Variants in RSPH3 observed in about 807,000 individuals in gnomAD.
RSPH3 encodes the protein radial spoke head protein 3 homolog.
Under a neutral mutation model 43.8 loss-of-function variants are expected in RSPH3, and 21 were observed. That is an observed-to-expected ratio of 0.48 (90% CI 0.34 to 0.69). The LOEUF (loss-of-function observed/expected upper bound fraction) is 0.69, where lower values mean the gene tolerates loss of function less well. Among genes scored for constraint, RSPH3 ranks in the 30% least tolerant of loss-of-function variants. The pLI is 0.01. For synonymous variants in RSPH3, 173 were observed against 179.8 expected (o/e 0.96, Z 0.30); for missense variants, 487 against 516.0 (o/e 0.94, Z 0.54).
At chr6:158,978,631 C>T (rs960227728) in intron 6 of RSPH3, among the ~76,000 whole-genome samples, 15 of 152,140 alleles carry the variant, frequency 9.9e-5, no homozygotes, top group Non-Finnish European at 8.8e-5. Flanking sequence ...ACCTCCGCTT[C>T]CCAGGTTCAA....
At chr6:158,963,301 TCTTC>T in the RSPH3 span, among the ~76,000 whole-genome samples, 1 of 151,602 alleles carries the variant, frequency 6.6e-6, no homozygotes, top group African/African-American at 2.4e-5. Flanking sequence ...CTCCTTCCTC[TCTTC>T]CTCCCTCCCT....
chr6:158,982,752 AT>A, intron 4 of RSPH3, 64 bp from the exon 5 acceptor site: 1 of 1,095,798 alleles, frequency 9.1e-7, no homozygotes, highest in Non-Finnish European at 1.4e-6. Flanking sequence ...CAACAAAAAT[AT>A]AATGAATAGC....
At chr6:158,964,782 T>TGATGGTGTCCC in the RSPH3 span, among the ~76,000 whole-genome samples, 2 of 152,202 alleles carry the variant, frequency 1.3e-5, no homozygotes, top group African/African-American at 4.8e-5. Flanking sequence ...TTCACTTTCT[T>TGATGGTGTCCC]GATGGTGTCC....
chr6:158,999,364 G>A lies in RSPH3; in HGVS notation c.116+71C>T, dbSNP rs115362158. 162 of 1,384,546 alleles carry A rather than the reference G, an allele frequency of 1.2e-4. No individual in the cohort carries two copies. The African/African-American group carries it at 2.1e-3, about 18-fold the overall frequency. The allele number at this position is 1,384,546 out of a possible 1,614,324, so 85.8% of individuals were successfully genotyped here. A position where few individuals can be genotyped will look rare whatever the true frequency, so the allele number is the denominator to read the frequency against. ...GCATAAGCAGCTTTTTTGCCAGGGC[G>A]AAGGGGCCAGACCCCGGCCTGGGGA... On this transcript the variant is annotated intron_variant, in intron 1 of 7. Transcript: ENST00000367069.
At chr6:158,968,907 C>T (rs1357906388), downstream of RSPH3, among the ~76,000 whole-genome samples, 3 of 152,226 alleles carry the variant, frequency 2.0e-5, no homozygotes, top group Admixed American at 6.5e-5. Context: ...GACAGGGTTT[C>T]ACCATGTTGG....
At chr6:158,984,434 T>TTTTTTATATATATATATA (rs1300418942) in intron 3 of RSPH3, among the ~76,000 whole-genome samples, 3 of 63,708 alleles carry the variant, frequency 4.7e-5, no homozygotes, top group South Asian at 5.9e-4. Context: ...AAAAAGTCAA[T>TTTTTTATATATATATATA]TATATATATA....
In RSPH3 at chr6:158,993,913, T is replaced by C; in HGVS notation, c.130A>G (p.Met44Val). ...DSLTQPDEEP[M>V]HYGNIMYDRR... ...TCATACATTATGTTTCCATAATGCA[T>C]AGGTTCTTCATCTCTGTAAAACAGA... Residue 44 changes from methionine to valine, a missense_variant, in exon 2 of 8, where the codon ATG becomes GTG. Coordinates refer to ENST00000367069, the MANE Select transcript of RSPH3 (RefSeq NM_031924.8). The C allele has an allele frequency of 1.9e-6, 3 of 1,606,808 alleles. No homozygotes were observed. Among genetic ancestry groups the C allele is most frequent in the Non-Finnish European group, 2.6e-6 (3 of 1,173,592 alleles).
In RSPH3 at chr6:158,986,385, G is replaced by A. The variant is rs992217360; in HGVS notation, c.241C>T (p.Arg81Trp). The stretch of plus-strand genomic sequence containing the variant: ...GCAAGAGCCCTCTTCCTAGCCTCCC[G>A]TTGTCTCTGGAGCTCTAGAGAATCA... The part of the protein sequence containing the change: ...RPDSLELQRQ[R>W]EARKRALARK... Residue 81 changes from arginine (R) to tryptophan (W), a missense_variant, in exon 3 of 8, where the codon CGG (arginine) becomes TGG (tryptophan). Physicochemically the swap from Arg to Trp is moderately radical, Grantham distance 101. Coordinates refer to ENST00000367069, the MANE Select transcript of RSPH3 (RefSeq NM_031924.8). The A allele has an allele frequency of 1.1e-5, 18 of 1,613,720 alleles. No homozygotes were observed. The highest frequency in any genetic ancestry group is 2.2e-5 in the South Asian group (2 of 91,074).
At position 158,998,233 on chromosome 6, in the gene RSPH3, T is replaced by C. The variant is rs1040293130; in HGVS notation, c.116+1202A>G. Among the ~76,000 whole-genome samples the C allele has an allele frequency of 7.4e-5, 9 of 120,954 alleles. No individual in the cohort carries two copies. In the South Asian group the frequency reaches 2.1e-3, roughly 28 times the overall value. The allele number at this position is 120,954 out of a possible 152,430, so 79.4% of individuals were successfully genotyped here. ...TTGGGAGGCCGAGGCGGGCGGATCA[T>C]GAGGTCAGGAGATCGAGAGTATCCT... On this transcript the variant is annotated intron_variant, in intron 1 of 7. Coordinates refer to ENST00000367069, the MANE Select transcript of RSPH3 (RefSeq NM_031924.8).
chr6:158,980,385 C>T (rs1000789900), intron 6 of RSPH3, among the ~76,000 whole-genome samples: 4 of 151,302 alleles, frequency 2.6e-5, no homozygotes, highest in East Asian at 1.9e-4. Context: ...GCCAAGATTG[C>T]GCCACTACAC....
Position 158,983,696 on chromosome 6 carries a change from C to T in RSPH3, c.458G>A (p.Gly153Asp), listed in dbSNP as rs1359314286. 2.5e-6 allele frequency: 4 copies of T among 1,613,674 alleles called. No homozygotes were observed. Among genetic ancestry groups the T allele is most frequent in the Non-Finnish European group, 3.4e-6 (4 of 1,179,620 alleles). Residue 153 changes from glycine to aspartate, a missense_variant, in exon 4 of 8, where the codon GGC (glycine) becomes GAC (aspartate). Coordinates refer to ENST00000367069, the MANE Select transcript of RSPH3 (RefSeq NM_031924.8). ...PTPLFIPAKT[G>D]KDVATQILEG... ...TAGTATTTGGGTGGCCACATCTTTGCCAGTTTTGGCAGGAATAAAGAGTGG... is the reference window on the plus strand; with the variant it reads ...TAGTATTTGGGTGGCCACATCTTTGTCAGTTTTGGCAGGAATAAAGAGTGG...
At chr6:158,972,061 A>G (rs958538521), downstream of RSPH3, among the ~76,000 whole-genome samples, 2 of 152,174 alleles carry the variant, frequency 1.3e-5, no homozygotes, top group African/African-American at 4.8e-5. Context: ...TAGGGCTGAT[A>G]TGGCAATAAA....
intron 2 of RSPH3, among the ~76,000 whole-genome samples, chr6:158,992,596 T>C (rs1778453990): frequency 6.6e-6 from 1 of 151,996 alleles, no homozygotes; most frequent in Admixed American, 6.5e-5. Flanking sequence ...GCCTGGCCTC[T>C]GAGCATATTT....
intron 1 of RSPH3, among the ~76,000 whole-genome samples, chr6:158,998,605 C>CA (rs1343373381): frequency 6.6e-6 from 1 of 151,692 alleles, no homozygotes; most frequent in Non-Finnish European, 1.5e-5. Flanking sequence ...CTTGTAATCC[C>CA]AGCACTTTGG....
intron 1 of RSPH3, among the ~76,000 whole-genome samples, chr6:158,994,526 CT>C (rs1275209419): frequency 1.3e-5 from 2 of 152,144 alleles, no homozygotes; most frequent in Non-Finnish European, 2.9e-5. Context: ...TGGCCTGCAC[CT>C]GTAATCCCAG....
rs369846962 is a variant in RSPH3 at position 158,978,295 on chromosome 6, A to G, written c.911T>C (p.Met304Thr). Residue 304 changes from methionine to threonine, a missense_variant, in exon 7 of 8, where the codon ATG (methionine) becomes ACG (threonine). Coordinates refer to ENST00000367069, the MANE Select transcript of RSPH3 (RefSeq NM_031924.8). ...PWLMNEVEKT[M>T]EYSMVGRTVL... ...TGTTCTTCCCACCATGCTATATTCC[A>G]TGGTTTTTTCAACTTCATTCATTAG... The G allele has an allele frequency of 3.0e-5, 47 of 1,586,594 alleles. No homozygotes were observed. The African/African-American group carries it at 5.4e-4, about 18-fold the overall frequency.
Position 158,989,190 on chromosome 6 carries a change from G to A in RSPH3, c.205-2769C>T, listed in dbSNP as rs1778327301. ...GCCTCTCAAGTAGCTGGGATTACAG[G>A]TGCCCGCCACCATGCCTGGCTAATT... On this transcript the variant is annotated intron_variant, in intron 2 of 7. Coordinates refer to ENST00000367069, the MANE Select transcript of RSPH3 (RefSeq NM_031924.8). This position sits in a 1 kb window ranked among gnomAD's most constrained non-coding sequence, Gnocchi z 4.3. Among the ~76,000 whole-genome samples the A allele has an allele frequency of 1.3e-5, 2 of 152,018 alleles. No individual in the cohort carries two copies. Among genetic ancestry groups the A allele is most frequent in the African/African-American group, 4.8e-5 (2 of 41,362 alleles).
the RSPH3 span, among the ~76,000 whole-genome samples, chr6:158,963,605 T>A: frequency 6.6e-6 from 1 of 150,558 alleles, no homozygotes; most frequent in Non-Finnish European, 1.5e-5. Context: ...TTTCTTTTGA[T>A]AGGTTTCACA....
At chr6:158,982,334 T>C (rs1778059665) in intron 5 of RSPH3, 151 bp downstream of exon 5, 4 of 545,460 alleles carry the variant, frequency 7.3e-6, no homozygotes, top group South Asian at 2.8e-5. Flanking sequence ...CTATGATCTA[T>C]AGGAGAGACT....
Sources: allele counts gnomAD v4.1 joint callset (sites outside exome capture counted in the v4.1 genomes callset), GRCh38; gene constraint gnomAD v4.1.1; non-coding constraint Gnocchi (gnomAD v3.1); transcripts MANE v1.5; gene names NCBI Gene and HGNC (gene_info 2026-07-23, HGNC 2026-07-21).